Variants in HAUS6 observed in about 807,000 individuals in gnomAD.
HAUS6 encodes the protein HAUS augmin-like complex subunit 6.
In HAUS6, 80 loss-of-function variants were observed where a neutral mutation model predicts 106.8. The observed-to-expected ratio is 0.75, with a 90% CI of 0.63 to 0.90. The LOEUF (loss-of-function observed/expected upper bound fraction) is 0.90. Ranked by LOEUF, HAUS6 falls within the 40% of genes least tolerant of loss-of-function variation. The probability of loss-of-function intolerance (pLI) is 0.00; values close to 1 mark genes in which losing one functional copy is unlikely to be tolerated. For synonymous variants in HAUS6, 356 were observed against 379.1 expected, an observed-to-expected ratio of 0.94 and a Z score of 0.71; for missense variants, 1,155 against 1,118.1, an observed-to-expected ratio of 1.03 and a Z score of -0.47.
At chr9:19,073,644 A>G (rs78786621) in intron 11 of HAUS6, among the ~76,000 whole-genome samples, 2 of 147,444 alleles carry the variant, frequency 1.4e-5, no homozygotes, top group African/African-American at 4.9e-5. Flanking sequence ...TGGATCTCCA[A>G]AAAAAAAAAA....
Position 19,058,448 on chromosome 9 carries a change from A to G in HAUS6, c.2319T>C (p.Phe773=). 6.3e-7 allele frequency: 1 copy of G among 1,598,704 alleles called. No individual in the cohort carries two copies. The highest frequency in any genetic ancestry group is 8.6e-7 in the Non-Finnish European group (1 of 1,168,124). The change falls in exon 16 of 17, where the codon TTT becomes TTC. Residue 773 remains phenylalanine, a synonymous_variant. Transcript: ENST00000380502. ...ISSKSFKDND[F]GILHETLPEE... ...CCGGGAGAGTTTCGTGTAATATGCC[A>G]AAATCATTATCTTTAAAACTCTTAG...
rs781598615 is a variant in HAUS6, at chr9:19,102,563, A to G, written c.89T>C (p.Ile30Thr). ...GTGCGACACGATCTTTCCGCAGGCA[A>G]TGGTTGCCGGGCCTGGCTCGAAGCC... is the stretch of plus-strand genomic sequence containing the variant. Reference protein sequence around the residue: ...ALGFEPGPATIACGKIVSHTH... With the variant: ...ALGFEPGPATTACGKIVSHTH... Residue 30 changes from isoleucine (I) to threonine (T), a missense_variant, in exon 1 of 17, where the codon ATT (isoleucine) becomes ACT (threonine). Ile to Thr is a moderately conservative substitution (Grantham distance 89). This residue lies in a region of HAUS6 where 761 missense variants were observed against 690.0 expected (regional missense o/e 1.10). Transcript: ENST00000380502. The G allele has an allele frequency of 5.6e-6, 9 of 1,613,754 alleles. No individual in the cohort carries two copies. Among genetic ancestry groups the G allele is most frequent in the Non-Finnish European group, 7.6e-6 (9 of 1,179,812 alleles).
chr9:19,063,748 A>G (rs1441237419), intron 12 of HAUS6, 168 bp from the exon 13 acceptor site: 2 of 757,258 alleles, frequency 2.6e-6, no homozygotes, highest in African/African-American at 3.4e-5. Flanking sequence ...GGTGACAAGT[A>G]GAGCAGTATT....
intron 6 of HAUS6, 21 bp from the exon 7 acceptor site, chr9:19,086,803 T>A: frequency 1.1e-6 from 1 of 926,082 alleles, no homozygotes; most frequent in Non-Finnish European, 1.7e-6. Context: ...TTAAATAATC[T>A]AATTAGTCAT....
intron 11 of HAUS6, 80 bp from the exon 12 acceptor site, chr9:19,070,380 C>A: frequency 1.2e-6 from 1 of 814,388 alleles, no homozygotes; most frequent in Non-Finnish European, 2.0e-6. Flanking sequence ...AATTCGAGAA[C>A]AACTTGTAAA....
chr9:19,091,043 G>A (rs985662742), intron 4 of HAUS6, among the ~76,000 whole-genome samples: 1 of 152,228 alleles, frequency 6.6e-6, no homozygotes, highest in Non-Finnish European at 1.5e-5. Context: ...GCTCAGGCCT[G>A]TAATCCCAGC....
intron 11 of HAUS6, among the ~76,000 whole-genome samples, chr9:19,070,681 T>G (rs1032668787): frequency 6.6e-6 from 1 of 152,204 alleles, no homozygotes; most frequent in Non-Finnish European, 1.5e-5. Flanking sequence ...AGTCAACCTA[T>G]ATATTTATTC....
intron 12 of HAUS6, among the ~76,000 whole-genome samples, chr9:19,066,982 G>A (rs1836771988): frequency 6.6e-6 from 1 of 151,800 alleles, no homozygotes; most frequent in African/African-American, 2.4e-5. Context: ...ACTCCTGCCT[G>A]GGTAGCAGAG....
intron 5 of HAUS6, among the ~76,000 whole-genome samples, chr9:19,087,864 A>G (rs12002212): frequency 0.15 from 21,825 of 148,600 alleles, 2,083 homozygotes; most frequent in African/African-American, 0.27. Flanking sequence ...AAAAAAAAAA[A>G]AAAAAAACCA....
chr9:19,071,862 G>A (rs1162408435), intron 11 of HAUS6, among the ~76,000 whole-genome samples: 3 of 150,992 alleles, frequency 2.0e-5, no homozygotes, highest in Admixed American at 6.6e-5. Flanking sequence ...GAGCCACCAC[G>A]CCCAGCCAAA....
chr9:19,078,742 C>T (rs1837067417), intron 9 of HAUS6, among the ~76,000 whole-genome samples: 2 of 150,860 alleles, frequency 1.3e-5, no homozygotes, highest in Non-Finnish European at 1.5e-5. Flanking sequence ...GAGCCGAGAT[C>T]GTGCCATTGC....
At chr9:19,077,065 A>T (rs938296554) in intron 10 of HAUS6, among the ~76,000 whole-genome samples, 9 of 152,054 alleles carry the variant, frequency 5.9e-5, no homozygotes, top group African/African-American at 2.2e-4. Context: ...GCTGGTCTCC[A>T]ATTCCTGGCC....
chr9:19,095,143 T>C (rs532820617), intron 2 of HAUS6, among the ~76,000 whole-genome samples: 3 of 151,520 alleles, frequency 2.0e-5, no homozygotes, highest in African/African-American at 7.3e-5. Flanking sequence ...CTAGAGATAA[T>C]CCTTATCATA....
chr9:19,080,690 GA>G lies in HAUS6; in HGVS notation c.871-19del. The G allele has an allele frequency of 2.7e-6, 4 of 1,497,498 alleles. No homozygotes were observed. Among genetic ancestry groups the G allele is most frequent in the Admixed American group, 3.9e-5 (2 of 51,854 alleles). 92.8% of individuals were successfully genotyped at this position (1,497,498 alleles called of 1,614,324 possible). On this transcript the variant is annotated intron_variant, in intron 8 of 16. Transcript: ENST00000380502. ...ATGTGCAACTAAGGAATCAGGAGGA[GA>G]AAAAAATTGGTGAACTATAGGTTGT...
intron 12 of HAUS6, among the ~76,000 whole-genome samples, chr9:19,067,806 A>G (rs1056531100): frequency 6.6e-6 from 1 of 152,072 alleles, no homozygotes; most frequent in Admixed American, 6.6e-5. Context: ...CTCCTGTCTC[A>G]GCCTCCCAAG....
chr9:19,071,687 C>T (rs988121276), intron 11 of HAUS6, among the ~76,000 whole-genome samples: 1 of 151,516 alleles, frequency 6.6e-6, no homozygotes, highest in East Asian at 2.0e-4. Flanking sequence ...GATCCTCCCA[C>T]CTCAGCCTCA....
intron 7 of HAUS6, among the ~76,000 whole-genome samples, chr9:19,085,247 T>C (rs912287313): frequency 6.6e-6 from 1 of 152,186 alleles, no homozygotes; most frequent in Non-Finnish European, 1.5e-5. Context: ...ATCTTGACAA[T>C]GGCTCAAAGT....
chr9:19,068,265 GAGA>G (rs1391740708), intron 12 of HAUS6, among the ~76,000 whole-genome samples: 1 of 152,108 alleles, frequency 6.6e-6, no homozygotes, highest in African/African-American at 2.4e-5. Context: ...CAGGTCCTCA[GAGA>G]AGATTTCATT....
In HAUS6 at chr9:19,102,875, C is replaced by T; in HGVS notation, c.-224G>A. On this transcript the variant is annotated 5_prime_UTR_variant, in exon 1 of 17. Transcript: ENST00000380502. Reference sequence around the variant, plus strand: ...TGCGGCCACCACTGCCTCAGCGAAGCCACCACAAACCGAGACTCCCGCCCT... The same window carrying T: ...TGCGGCCACCACTGCCTCAGCGAAGTCACCACAAACCGAGACTCCCGCCCT... 1 of 416,200 alleles carries T rather than the reference C, an allele frequency of 2.4e-6. No individual in the cohort carries two copies. Among genetic ancestry groups the T allele is most frequent in the Non-Finnish European group, 4.3e-6 (1 of 232,198 alleles). The allele number at this position is 416,200 out of a possible 1,614,324, so 25.8% of individuals were successfully genotyped here.
Sources: allele counts gnomAD v4.1 joint callset (sites outside exome capture counted in the v4.1 genomes callset), GRCh38; gene constraint gnomAD v4.1.1; regional missense constraint gnomAD v4.1.1; transcripts MANE v1.5; gene names NCBI Gene and HGNC (gene_info 2026-07-23, HGNC 2026-07-21).